DOCK5: variants seen among roughly 807,000 people sequenced by gnomAD.
DOCK5 encodes dedicator of cytokinesis 5.
DOCK5 carries 142 observed loss-of-function variants against 251.8 expected under a neutral mutation model. The observed-to-expected ratio is 0.56, with a 90% confidence interval of 0.49 to 0.65. The LOEUF is 0.65. Among genes scored for constraint, DOCK5 ranks in the 30% least tolerant of loss-of-function variants. The probability of loss-of-function intolerance (pLI) is 0.00; values close to 1 mark genes in which losing one functional copy is unlikely to be tolerated. For missense variants in DOCK5, 2,111 were observed against 2,312.3 expected (o/e 0.91, Z 1.79); for synonymous variants, 842 against 835.5 (o/e 1.01, Z -0.13).
At chr8:25,263,497 A>G (rs1448476600) in intron 2 of DOCK5, among the ~76,000 whole-genome samples, 2 of 151,870 alleles carry the variant, frequency 1.3e-5, no homozygotes, top group East Asian at 1.9e-4. Flanking sequence ...ACTCCATTCT[A>G]TAATAGTAAG....
chr8:25,190,865 G>A (rs1313008650), intron 1 of DOCK5, among the ~76,000 whole-genome samples: 1 of 138,318 alleles, frequency 7.2e-6, no homozygotes, highest in Non-Finnish European at 1.5e-5. Context: ...CTCACTGCAA[G>A]CTCCGCCTCC....
rs1805410977 is a variant in DOCK5, at chr8:25,321,027, C to T, written c.1590C>T (p.Thr530=). The part of the protein sequence containing the change: ...EEVTRCHIRF[T]FRHRSSQETR... Reference sequence around the variant, plus strand: ...TCACACGCTGTCATATAAGATTTACCTTCCGACACAGGTCATCTCAGGAAA... The same window carrying T: ...TCACACGCTGTCATATAAGATTTACTTTCCGACACAGGTCATCTCAGGAAA... Residue 530 remains threonine (T), a synonymous_variant, in exon 16 of 52, where the codon ACC becomes ACT. Transcript: ENST00000276440. The T allele has an allele frequency of 6.2e-7, 1 of 1,613,510 alleles. No individual in the cohort carries two copies. Among genetic ancestry groups the T allele is most frequent in the African/African-American group, 1.3e-5 (1 of 75,046 alleles).
At chr8:25,298,324 G>A (rs1804670212) in intron 7 of DOCK5, among the ~76,000 whole-genome samples, 1 of 152,046 alleles carries the variant, frequency 6.6e-6, no homozygotes, top group African/African-American at 2.4e-5. Context: ...TCTTTATCCA[G>A]GATAATGGAT....
chr8:25,267,886 G>A (rs1227984803), intron 2 of DOCK5, among the ~76,000 whole-genome samples: 3 of 150,876 alleles, frequency 2.0e-5, no homozygotes, highest in Non-Finnish European at 4.4e-5. Context: ...TTTTGGAAAC[G>A]GAGTCTCGCT....
chr8:25,247,518 G>A (rs1414628136), intron 2 of DOCK5, among the ~76,000 whole-genome samples: 1 of 151,950 alleles, frequency 6.6e-6, no homozygotes, highest in African/African-American at 2.4e-5. Flanking sequence ...GATTGCTTGA[G>A]CCTGGGAGGC....
chr8:25,301,832 A>G (rs752306373), intron 9 of DOCK5, among the ~76,000 whole-genome samples: 1 of 152,254 alleles, frequency 6.6e-6, no homozygotes, highest in Non-Finnish European at 1.5e-5. Flanking sequence ...AATCAGGTGA[A>G]TAGTCCCATA....
chr8:25,392,465 C>T (rs1288464544), intron 43 of DOCK5, among the ~76,000 whole-genome samples: 1 of 152,162 alleles, frequency 6.6e-6, no homozygotes, highest in Admixed American at 6.5e-5. Context: ...CAGCTGTCAT[C>T]TCCATGGAAA....
intron 2 of DOCK5, among the ~76,000 whole-genome samples, chr8:25,257,363 G>C (rs1010870106): frequency 6.6e-6 from 1 of 152,190 alleles, no homozygotes; most frequent in Non-Finnish European, 1.5e-5. Flanking sequence ...TTTAGGTTAA[G>C]AAACTTGAAG....
chr8:25,235,555 G>A (rs1364976245), intron 1 of DOCK5, among the ~76,000 whole-genome samples: 1 of 151,994 alleles, frequency 6.6e-6, no homozygotes, highest in African/African-American at 2.4e-5. Context: ...ACTATGCTGG[G>A]CCTTTGTTCT....
At chr8:25,365,850 A>G (rs982375114) in intron 30 of DOCK5, among the ~76,000 whole-genome samples, 1 of 152,198 alleles carries the variant, frequency 6.6e-6, no homozygotes, top group African/African-American at 2.4e-5. Flanking sequence ...TCAGAACTTT[A>G]AAAGTTGAAA....
rs200562601 is a variant in DOCK5 at position 25,364,622 on chromosome 8, G to A, written c.3045-4G>A. On this transcript the variant is annotated splice_region_variant and splice_polypyrimidine_tract_variant and intron_variant, in intron 29 of 51. Transcript: ENST00000276440. ...CTTCTTTATCTGGTGTTTTCCTTCC[G>A]CAGGGTTTTTCTCCGTGCTATAAAT... The A allele has an allele frequency of 6.6e-5, 105 of 1,593,568 alleles. No individual in the cohort carries two copies. Among genetic ancestry groups the A allele is most frequent in the African/African-American group, 4.4e-4 (33 of 74,852 alleles).
intron 50 of DOCK5, 73 bp downstream of exon 50, chr8:25,409,013 A>G: frequency 6.3e-7 from 1 of 1,593,956 alleles, no homozygotes; most frequent in Non-Finnish European, 8.6e-7. Flanking sequence ...GGCAGTTTGT[A>G]ACTAAACCAG....
intron 1 of DOCK5, among the ~76,000 whole-genome samples, chr8:25,235,281 G>A (rs1802766409): frequency 6.6e-6 from 1 of 152,124 alleles, no homozygotes; most frequent in Non-Finnish European, 1.5e-5. Flanking sequence ...CGCCTACGTA[G>A]TGCAGTGGTA....
intron 1 of DOCK5, among the ~76,000 whole-genome samples, chr8:25,235,562 T>C (rs1452552877): frequency 6.6e-6 from 1 of 152,102 alleles, no homozygotes. Context: ...TGGGCCTTTG[T>C]TCTGTAATTT....
At chr8:25,342,368 A>T in intron 24 of DOCK5, 33 bp from the exon 25 acceptor site, 1 of 1,526,554 alleles carries the variant, frequency 6.6e-7, no homozygotes, top group Non-Finnish European at 8.9e-7. Flanking sequence ...TGGCAGAACG[A>T]AGACACTACT....
At chr8:25,259,174 A>C (rs1315493554) in intron 2 of DOCK5, among the ~76,000 whole-genome samples, 1 of 152,216 alleles carries the variant, frequency 6.6e-6, no homozygotes, top group East Asian at 1.9e-4. Context: ...CAGAAGACTT[A>C]TCTCCTTTTT....
At chr8:25,327,616 G>A (rs561316008) in intron 18 of DOCK5, among the ~76,000 whole-genome samples, 55 of 152,192 alleles carry the variant, frequency 3.6e-4, no homozygotes, top group Non-Finnish European at 5.1e-4. Context: ...TAGACCCTTC[G>A]TTTGCTGATA....
At chr8:25,192,479 T>G (rs549763816) in intron 1 of DOCK5, among the ~76,000 whole-genome samples, 1 of 152,376 alleles carries the variant, frequency 6.6e-6, no homozygotes, top group South Asian at 2.1e-4. Flanking sequence ...TCAGGGCTAT[T>G]GCTATACCCA....
At chr8:25,215,009 A>C (rs918820461) in intron 1 of DOCK5, among the ~76,000 whole-genome samples, 2 of 152,190 alleles carry the variant, frequency 1.3e-5, no homozygotes, top group East Asian at 3.9e-4. Context: ...TCTCCCATGC[A>C]TCAGCAGATG....
Sources: gnomAD v4.1 joint callset for allele counts (sites outside exome capture counted in the v4.1 genomes callset) on GRCh38, gnomAD v4.1.1 for gene constraint, MANE v1.5 for transcripts, NCBI Gene and HGNC (gene_info 2026-07-23, HGNC 2026-07-21) for gene names.